The following ACTL8 variants were observed in gnomAD, a reference collection of about 807,000 sequenced individuals.
ACTL8 encodes the protein actin-like protein 8.
In ACTL8, 3 loss-of-function variants were observed where a neutral mutation model predicts 9.3. The observed-to-expected ratio is 0.32, with a 90% CI of 0.15 to 0.83. The LOEUF is 0.83. Among genes scored for constraint, ACTL8 ranks in the 40% least tolerant of loss-of-function variants. The pLI, the probability that ACTL8 is intolerant of heterozygous loss-of-function variation, is 0.57. For synonymous variants in ACTL8, 224 were observed against 205.9 expected (o/e 1.09, Z -0.75); for missense variants, 381 against 492.2 (o/e 0.77, Z 2.14).
intron 1 of ACTL8, among the ~76,000 whole-genome samples, chr1:17,789,650 T>C (rs1004839905): frequency 6.6e-6 from 1 of 152,226 alleles, no homozygotes; most frequent in African/African-American, 2.4e-5. Flanking sequence ...TATTTATTTC[T>C]ATGTCCTTGA....
chr1:17,825,676 C>A lies in ACTL8; in HGVS notation c.349-91C>A, dbSNP rs1017970485. ...CAGCATCCTGGGGCAGCCCGAGAGT[C>A]CCCCCGAGGATGGGGCTCTGTGCTG... is the stretch of plus-strand genomic sequence containing the variant. On this transcript the variant is annotated intron_variant, in intron 2 of 2. Transcript: ENST00000375406. 6 of 1,492,718 alleles carry A rather than the reference C, an allele frequency of 4.0e-6. No individual in the cohort carries two copies. The East Asian group carries it at 1.4e-4, about 35-fold the overall frequency. The allele number at this position is 1,492,718 out of a possible 1,614,324, so 92.5% of individuals were successfully genotyped here.
intron 1 of ACTL8, among the ~76,000 whole-genome samples, chr1:17,756,693 G>T (rs1284362342): frequency 6.6e-6 from 1 of 152,170 alleles, no homozygotes; most frequent in Non-Finnish European, 1.5e-5. Flanking sequence ...CATTTTGGGA[G>T]TGGTTTTCTG....
At chr1:17,797,266 C>T (rs554471675) in intron 1 of ACTL8, among the ~76,000 whole-genome samples, 22 of 152,142 alleles carry the variant, frequency 1.4e-4, no homozygotes, top group South Asian at 4.2e-4. Flanking sequence ...GCGGTGATGC[C>T]GATGTTGTGC....
chr1:17,822,580 G>A (rs1382361993), intron 1 of ACTL8, among the ~76,000 whole-genome samples: 1 of 152,142 alleles, frequency 6.6e-6, no homozygotes, highest in Non-Finnish European at 1.5e-5. Flanking sequence ...CATGTTCCTT[G>A]TGCCCTCTAA....
Position 17,796,748 on chromosome 1 carries a change from T to C in ACTL8, c.-24-26237T>C, listed in dbSNP as rs1164115696. Among the ~76,000 whole-genome samples the C allele has an allele frequency of 2.6e-5, 4 of 152,250 alleles. No individual in the cohort carries two copies. In the South Asian group the frequency reaches 6.2e-4, roughly 24 times the overall value. On this transcript the variant is annotated intron_variant, in intron 1 of 2. Coordinates refer to ENST00000375406, the MANE Select transcript of ACTL8 (RefSeq NM_030812.3). The stretch of plus-strand genomic sequence containing the variant: ...GCCAGCCGTGTGCTTCTTGATCTAG[T>C]CTTCCGACCTCTTCAAGCTTCTTCA...
intron 1 of ACTL8, among the ~76,000 whole-genome samples, chr1:17,778,368 G>A (rs2066130718): frequency 1.3e-5 from 2 of 152,062 alleles, no homozygotes; most frequent in Non-Finnish European, 1.5e-5. Flanking sequence ...AGGATCCTGG[G>A]TGGGGGAGGG....
At chr1:17,797,011 C>T (rs1432059243) in intron 1 of ACTL8, among the ~76,000 whole-genome samples, 1 of 152,152 alleles carries the variant, frequency 6.6e-6, no homozygotes, top group Non-Finnish European at 1.5e-5. Context: ...AGGGCCTTCC[C>T]TAGGGGTGGT....
At chr1:17,763,351 G>A (rs983867449) in intron 1 of ACTL8, among the ~76,000 whole-genome samples, 1 of 138,378 alleles carries the variant, frequency 7.2e-6, no homozygotes, top group Non-Finnish European at 1.7e-5. Context: ...GTCAAGTGAC[G>A]GGGTAGCGTG....
intron 1 of ACTL8, among the ~76,000 whole-genome samples, chr1:17,809,066 G>A (rs942490576): frequency 2.0e-5 from 3 of 152,116 alleles, no homozygotes; most frequent in Admixed American, 6.5e-5. Flanking sequence ...CTATCATGCC[G>A]CCAGCAAACC....
intron 1 of ACTL8, among the ~76,000 whole-genome samples, chr1:17,820,686 G>GC (rs201418352): frequency 0.01 from 1,534 of 151,700 alleles, 31 homozygotes; most frequent in African/African-American, 0.035. Context: ...TCCTCCCTCA[G>GC]CCCCCCCAGT....
chr1:17,822,997 T>A lies in ACTL8; in HGVS notation c.-12T>A. On this transcript the variant is annotated 5_prime_UTR_variant, in exon 2 of 3. Transcript: ENST00000375406. ...TTTGCTTCCGCAGGTCCCACCCACC[T>A]CTGCCTCCGCCATGGCTGCAAGAAC... 1 of 1,609,518 alleles carries A rather than the reference T, an allele frequency of 6.2e-7. No homozygotes were observed. The highest frequency in any genetic ancestry group is 8.5e-7 in the Non-Finnish European group (1 of 1,177,590).
At chr1:17,806,214 G>A (rs1328523815) in intron 1 of ACTL8, among the ~76,000 whole-genome samples, 2 of 152,274 alleles carry the variant, frequency 1.3e-5, no homozygotes, top group African/African-American at 4.8e-5. Flanking sequence ...AGTTCAGAAC[G>A]ACTGGTTAGT....
intron 1 of ACTL8, among the ~76,000 whole-genome samples, chr1:17,766,408 G>T (rs1470806448): frequency 2.0e-5 from 3 of 152,132 alleles, no homozygotes; most frequent in African/African-American, 4.8e-5. Flanking sequence ...TCAAACCCGG[G>T]TCTTCTGCTC....
chr1:17,788,427 T>C (rs12750654), intron 1 of ACTL8, among the ~76,000 whole-genome samples: 20,591 of 152,252 alleles, frequency 0.14, 1,897 homozygotes, highest in Middle Eastern at 0.24. Flanking sequence ...AGGATACAAG[T>C]GTGCCCAGCT....
chr1:17,804,828 C>G (rs1002681138), intron 1 of ACTL8, among the ~76,000 whole-genome samples: 8 of 152,056 alleles, frequency 5.3e-5, no homozygotes, highest in Non-Finnish European at 1.0e-4. Context: ...GTTGGCCAGG[C>G]TGGTCTCGAA....
In ACTL8 at chr1:17,774,826, G is replaced by A. The variant is rs1013537359; in HGVS notation, c.-25+19322G>A. Among the ~76,000 whole-genome samples the A allele has an allele frequency of 6.6e-5, 10 of 152,134 alleles. No individual in the cohort carries two copies. The East Asian group carries it at 7.7e-4, about 12-fold the overall frequency. On this transcript the variant is annotated intron_variant, in intron 1 of 2. Coordinates refer to ENST00000375406, the MANE Select transcript of ACTL8 (RefSeq NM_030812.3). ...AGCCGCTGGAAGAGGGCTGAGGGCC[G>A]CCTCTTTTGAAGGTTTGACTCTAGC...
intron 1 of ACTL8, among the ~76,000 whole-genome samples, chr1:17,807,274 A>G (rs1328720026): frequency 6.6e-6 from 1 of 152,180 alleles, no homozygotes; most frequent in Non-Finnish European, 1.5e-5. Context: ...GGGCATCAGA[A>G]TCTTTGTGCT....
rs1405715537 is a variant in ACTL8 at position 17,823,809 on chromosome 1, G to A, written c.348+453G>A. Among the ~76,000 whole-genome samples the A allele has an allele frequency of 2.6e-5, 4 of 152,140 alleles. No homozygotes were observed. The highest frequency in any genetic ancestry group is 6.6e-5 in the Admixed American group (1 of 15,260). On this transcript the variant is annotated intron_variant, in intron 2 of 2. Coordinates refer to ENST00000375406, the MANE Select transcript of ACTL8 (RefSeq NM_030812.3). The surrounding 1 kb of genome is among the most constrained non-coding windows in gnomAD (Gnocchi z 5.3). ...TTTCCCAAGAACCTAGTGAATGCCTGGTGTGCCACTAAGCAGGGGAGCTCA... is the reference window on the plus strand; with the variant it reads ...TTTCCCAAGAACCTAGTGAATGCCTAGTGTGCCACTAAGCAGGGGAGCTCA...
intron 1 of ACTL8, among the ~76,000 whole-genome samples, chr1:17,803,594 G>A (rs1362583390): frequency 6.6e-6 from 1 of 152,238 alleles, no homozygotes; most frequent in East Asian, 1.9e-4. Context: ...GCCTCTGAAA[G>A]TGCTAGGATG....
Sources: allele counts gnomAD v4.1 joint callset (sites outside exome capture counted in the v4.1 genomes callset), GRCh38; gene constraint gnomAD v4.1.1; non-coding constraint Gnocchi (gnomAD v3.1); transcripts MANE v1.5; gene names NCBI Gene and HGNC (gene_info 2026-07-23, HGNC 2026-07-21).